Variants in AMOTL1 observed in about 807,000 individuals in gnomAD.
AMOTL1 encodes angiomotin like 1, also known as angiomotin-like protein 1.
In AMOTL1, 45 loss-of-function variants were observed where a neutral mutation model predicts 102.9. The ratio of observed to expected loss-of-function variants is 0.44; its 90% CI spans 0.34 to 0.56. The LOEUF (loss-of-function observed/expected upper bound fraction) is 0.56. AMOTL1 is among the 20% of genes least tolerant of loss of function. AMOTL1 has a pLI of 0.01. For synonymous variants in AMOTL1, 481 were observed against 484.7 expected, an observed-to-expected ratio of 0.99 and a Z score of 0.10; for missense variants, 1,114 against 1,225.6, an observed-to-expected ratio of 0.91 and a Z score of 1.36.
intron 3 of AMOTL1, among the ~76,000 whole-genome samples, chr11:94,761,597 C>A (rs527930919): frequency 1.3e-5 from 2 of 152,236 alleles, no homozygotes; most frequent in Non-Finnish European, 2.9e-5. Context: ...TTGTACCTAG[C>A]ATGATACTGG....
intron 3 of AMOTL1, among the ~76,000 whole-genome samples, chr11:94,749,746 G>T (rs1950629569): frequency 6.6e-6 from 1 of 152,226 alleles, no homozygotes; most frequent in South Asian, 2.1e-4. Flanking sequence ...CCATGGTGGT[G>T]AGGATTAAAT....
At chr11:94,832,185 T>C (rs1045736559) in intron 6 of AMOTL1, among the ~76,000 whole-genome samples, 1 of 152,260 alleles carries the variant, frequency 6.6e-6, no homozygotes, top group Non-Finnish European at 1.5e-5. Context: ...TTCATTGCAC[T>C]AGCCAGAAAT....
At chr11:94,789,649 A>G (rs1053609109) in intron 1 of AMOTL1, among the ~76,000 whole-genome samples, 3 of 152,114 alleles carry the variant, frequency 2.0e-5, no homozygotes, top group African/African-American at 7.2e-5. Context: ...TTTTGAAAAC[A>G]TTGTTTCCAG....
intron 4 of AMOTL1, among the ~76,000 whole-genome samples, chr11:94,826,763 A>C (rs1951972834): frequency 6.6e-6 from 1 of 152,208 alleles, no homozygotes; most frequent in African/African-American, 2.4e-5. Flanking sequence ...ATCAAATTTC[A>C]ACATGAGTTT....
At chr11:94,758,987 G>A (rs1950760438) in intron 3 of AMOTL1, among the ~76,000 whole-genome samples, 1 of 152,076 alleles carries the variant, frequency 6.6e-6, no homozygotes. Context: ...AAAACACTCT[G>A]CCTCATTCTT....
chr11:94,812,154 T>A (rs1339925063), intron 3 of AMOTL1, among the ~76,000 whole-genome samples: 1 of 152,222 alleles, frequency 6.6e-6, no homozygotes, highest in Non-Finnish European at 1.5e-5. Flanking sequence ...GAAGCACCCA[T>A]AGATTTGTCA....
intron 3 of AMOTL1, among the ~76,000 whole-genome samples, chr11:94,751,479 G>A (rs1417355368): frequency 1.3e-5 from 2 of 152,108 alleles, no homozygotes; most frequent in Non-Finnish European, 2.9e-5. Flanking sequence ...GGGCGAGGCG[G>A]TAGAAGCCTA....
chr11:94,857,085 C>T (rs1001903647), intron 8 of AMOTL1, among the ~76,000 whole-genome samples: 1 of 152,304 alleles, frequency 6.6e-6, no homozygotes, highest in Non-Finnish European at 1.5e-5. Flanking sequence ...CGGTTGAATC[C>T]TGCCTCCCAC....
chr11:94,710,321 A>T (rs969329507), intron 1 of AMOTL1, among the ~76,000 whole-genome samples: 1 of 152,204 alleles, frequency 6.6e-6, no homozygotes, highest in African/African-American at 2.4e-5. Flanking sequence ...CACATAGACT[A>T]TTGGTTAAAA....
At chr11:94,710,613 A>G (rs1026916146) in intron 1 of AMOTL1, among the ~76,000 whole-genome samples, 2 of 152,214 alleles carry the variant, frequency 1.3e-5, no homozygotes. Context: ...CTTTGTTGCA[A>G]GTCCCAAAGC....
rs868244067 is a variant in AMOTL1, at chr11:94,875,207, A to G, written c.*4412A>G. 2 of 152,222 alleles carry G rather than the reference A, an allele frequency of 1.3e-5. No homozygotes were observed. The highest frequency in any genetic ancestry group is 2.1e-4 in the South Asian group (1 of 4,834). The allele number at this position is 152,222 out of a possible 1,614,324, so 9.4% of individuals were successfully genotyped here. On this transcript the variant is annotated 3_prime_UTR_variant, in exon 13 of 13. Transcript: ENST00000433060. ...GAGTTTGCCTCTGACGTGTGGCTCC[A>G]TGGGAGATAGGCAAAGTAATTAAGA...
chr11:94,745,678 G>A (rs187427857), intron 3 of AMOTL1, among the ~76,000 whole-genome samples: 135 of 152,296 alleles, frequency 8.9e-4, no homozygotes, highest in African/African-American at 3.2e-3. Flanking sequence ...GGGACCTTGC[G>A]TGGATATGGT....
intron 4 of AMOTL1, among the ~76,000 whole-genome samples, chr11:94,829,566 G>A (rs537063162): frequency 2.6e-5 from 4 of 152,234 alleles, no homozygotes; most frequent in East Asian, 1.9e-4. Context: ...TAATGAAGCC[G>A]TTCCTCCAGT....
At chr11:94,781,517 G>A (rs61893493) in intron 1 of AMOTL1, among the ~76,000 whole-genome samples, 2,756 of 152,300 alleles carry the variant, frequency 0.018, 47 homozygotes, top group Non-Finnish European at 0.03. Flanking sequence ...GAACCCTATG[G>A]GAGGAGGTCT....
intron 3 of AMOTL1, among the ~76,000 whole-genome samples, chr11:94,743,225 G>T (rs7929320): frequency 0.11 from 16,997 of 152,166 alleles, 1,962 homozygotes; most frequent in East Asian, 0.28. Context: ...TTGTGCCCGG[G>T]GATCCCTAAG....
chr11:94,788,223 T>A (rs1006099412), intron 1 of AMOTL1, among the ~76,000 whole-genome samples: 2 of 152,184 alleles, frequency 1.3e-5, no homozygotes, highest in African/African-American at 4.8e-5. Context: ...TAGGTGACTA[T>A]CAGGAAGGGA....
In AMOTL1 at chr11:94,791,950, C is replaced by T. The variant is rs148149945; in HGVS notation, c.50-3061C>T. ...ATTAGGTACATGTAGAATGGAACTGCGACCTCTGTTAAATTTTTGTTGTGT... is the reference window on the plus strand; with the variant it reads ...ATTAGGTACATGTAGAATGGAACTGTGACCTCTGTTAAATTTTTGTTGTGT... On this transcript the variant is annotated intron_variant, in intron 1 of 12. Coordinates refer to ENST00000433060, the MANE Select transcript of AMOTL1 (RefSeq NM_130847.3). 9.2e-5 allele frequency among the ~76,000 whole-genome samples: 14 copies of T among 152,236 alleles called. No individual in the cohort carries two copies. In the East Asian group the frequency reaches 1.7e-3, roughly 19 times the overall value.
chr11:94,816,881 G>A (rs545438637), intron 3 of AMOTL1, among the ~76,000 whole-genome samples: 4 of 152,256 alleles, frequency 2.6e-5, no homozygotes, highest in Non-Finnish European at 5.9e-5. Flanking sequence ...GAAGAGGTGG[G>A]CATGAGATTG....
chr11:94,743,651 C>CTTTTTTTTTTTTTTTTT (rs760828820), intron 3 of AMOTL1, among the ~76,000 whole-genome samples: 1 of 98,158 alleles, frequency 1.0e-5, no homozygotes, highest in African/African-American at 4.7e-5. Flanking sequence ...CACAATACTT[C>CTTTTTTTTTTTTTTTTT]TTTTTTTTTT....
Sources: allele counts gnomAD v4.1 joint callset (sites outside exome capture counted in the v4.1 genomes callset), GRCh38; gene constraint gnomAD v4.1.1; transcripts MANE v1.5; gene names NCBI Gene and HGNC (gene_info 2026-07-23, HGNC 2026-07-21).